ANAPC4: variants seen among roughly 807,000 people sequenced by gnomAD.
ANAPC4 encodes the protein anaphase promoting complex subunit 4.
Under a neutral mutation model 119.8 loss-of-function variants are expected in ANAPC4, and 63 were observed. The ratio of observed to expected loss-of-function variants is 0.53; its 90% CI spans 0.43 to 0.65. The LOEUF is 0.65. ANAPC4 is among the 30% of genes least tolerant of loss of function. ANAPC4 has a pLI of 0.00. For missense variants in ANAPC4, 716 were observed against 945.1 expected, an observed-to-expected ratio of 0.76 and a Z score of 3.18; for synonymous variants, 283 against 318.6, an observed-to-expected ratio of 0.89 and a Z score of 1.19.
In ANAPC4 at chr4:25,382,770, C is replaced by A. The variant is rs151314229; in HGVS notation, c.236-491C>A. The stretch of plus-strand genomic sequence containing the variant: ...GAAATAATGACTTGTGTGGAGAAAC[C>A]ATACTAGAAAATTCAGCCACACTCA... On this transcript the variant is annotated intron_variant, in intron 3 of 28. Coordinates refer to ENST00000315368, the MANE Select transcript of ANAPC4 (RefSeq NM_013367.3). Among the ~76,000 whole-genome samples the A allele has an allele frequency of 3.4e-3, 516 of 152,212 alleles. 2 individuals are homozygous for A. The highest frequency in any genetic ancestry group is 0.012 in the African/African-American group (478 of 41,520).
At position 25,405,153 on chromosome 4, in the gene ANAPC4, G is replaced by A. The variant is rs191251506; in HGVS notation, c.1271-420G>A. ...AAAAGTACATAAATATACTGTAAGC[G>A]CGTAGCAGAAAAGACCAAGGGAAAT... On this transcript the variant is annotated intron_variant, in intron 17 of 28. Transcript: ENST00000315368. The surrounding 1 kb of genome is among the most constrained non-coding windows in gnomAD (Gnocchi z 4.6). Among the ~76,000 whole-genome samples the A allele has an allele frequency of 5.9e-5, 9 of 151,342 alleles. No homozygotes were observed. Among genetic ancestry groups the A allele is most frequent in the East Asian group, 1.9e-4 (1 of 5,168 alleles).
rs1268326054 is a variant in ANAPC4 at position 25,388,533 on chromosome 4, A to G, written c.402A>G (p.Glu134=). 3 of 1,604,728 alleles carry G rather than the reference A, an allele frequency of 1.9e-6. No homozygotes were observed. The highest frequency in any genetic ancestry group is 2.6e-6 in the Non-Finnish European group (3 of 1,172,388). The part of the protein sequence containing the change: ...VLTSFYNAED[E]SNLLLPKLPT... ...CATCATTTTATAATGCTGAGGATGA[A>G]TCAAATCTTCTCTTACCTAAACTAC... Residue 134 remains glutamate (E), a synonymous_variant, in exon 5 of 29, where the codon GAA becomes GAG. Transcript: ENST00000315368.
chr4:25,380,990 C>T (rs73098457), intron 3 of ANAPC4, among the ~76,000 whole-genome samples: 1,941 of 152,270 alleles, frequency 0.013, 39 homozygotes, highest in African/African-American at 0.043. Flanking sequence ...TACCCTCTTA[C>T]GTTAAAGCCT....
intron 21 of ANAPC4, 153 bp from the exon 22 acceptor site, chr4:25,413,492 A>T: frequency 6.6e-5 from 35 of 527,392 alleles, no homozygotes; most frequent in East Asian, 1.6e-4. Flanking sequence ...GGTCGTTTTT[A>T]ATGAGGTTGT....
intron 16 of ANAPC4, among the ~76,000 whole-genome samples, chr4:25,398,432 G>A (rs1168749088): frequency 6.6e-6 from 1 of 152,152 alleles, no homozygotes; most frequent in Non-Finnish European, 1.5e-5. Context: ...GGAAGGGGCA[G>A]CAAGTGTGAA....
At chr4:25,411,856 C>G (rs1018281770) in intron 21 of ANAPC4, among the ~76,000 whole-genome samples, 4 of 152,154 alleles carry the variant, frequency 2.6e-5, no homozygotes, top group Admixed American at 1.3e-4. Flanking sequence ...CCTCCTGACA[C>G]CAACCAATTT....
intron 17 of ANAPC4, 141 bp downstream of exon 17, chr4:25,403,167 C>T: frequency 1.9e-6 from 1 of 523,622 alleles, no homozygotes; most frequent in Non-Finnish European, 3.1e-6. Context: ...TACCTTTCAC[C>T]TAGCTTCAGC....
intron 16 of ANAPC4, among the ~76,000 whole-genome samples, chr4:25,399,208 A>G (rs1203667546): frequency 6.6e-6 from 1 of 152,190 alleles, no homozygotes; most frequent in African/African-American, 2.4e-5. Context: ...TTTCTTACAT[A>G]ACCACAGTAC....
At chr4:25,416,119 A>C (rs371899243) in intron 26 of ANAPC4, 27 of 213,988 alleles carry the variant, frequency 1.3e-4, no homozygotes, top group Middle Eastern at 1.7e-3. Flanking sequence ...ATAAGGTGTC[A>C]TTCATAGAAT....
At chr4:25,394,796 T>A in intron 13 of ANAPC4, 33 bp from the exon 14 acceptor site, 1 of 1,604,364 alleles carries the variant, frequency 6.2e-7, no homozygotes, top group Non-Finnish European at 8.5e-7. Flanking sequence ...ATATCCTGAT[T>A]GTATGCTAAA....
intron 22 of ANAPC4, 132 bp downstream of exon 22, chr4:25,413,874 A>G: frequency 1.4e-6 from 1 of 710,558 alleles, no homozygotes; most frequent in South Asian, 2.2e-5. Context: ...TTTGATTAAC[A>G]AAAGTAACAA....
Position 25,405,253 on chromosome 4 carries a change from A to G in ANAPC4, c.1271-320A>G, listed in dbSNP as rs1360192264. ...AGATTTTAAGAGCAGAAACATCACC[A>G]GGTTAAAAGGAGGGATCCTTACACA... On this transcript the variant is annotated intron_variant, in intron 17 of 28. Coordinates refer to ENST00000315368, the MANE Select transcript of ANAPC4 (RefSeq NM_013367.3). This position sits in a 1 kb window ranked among gnomAD's most constrained non-coding sequence, Gnocchi z 4.6. Among the ~76,000 whole-genome samples the G allele has an allele frequency of 6.6e-6, 1 of 152,082 alleles. No homozygotes were observed. Among genetic ancestry groups the G allele is most frequent in the Non-Finnish European group, 1.5e-5 (1 of 67,998 alleles).
chr4:25,399,217 A>G (rs1261487961), intron 16 of ANAPC4, among the ~76,000 whole-genome samples: 1 of 152,214 alleles, frequency 6.6e-6, no homozygotes, highest in East Asian at 1.9e-4. Context: ...TAACCACAGT[A>G]CAGTTAACAA....
Position 25,403,033 on chromosome 4 carries a change from T to G in ANAPC4, c.1270+7T>G. The stretch of plus-strand genomic sequence containing the variant: ...TTTCGGTGGCTTTATGTGGGTAAGT[T>G]AATTGAGTGAAGCATTTTTATTTTA... On this transcript the variant is annotated splice_region_variant and intron_variant, in intron 17 of 28. Transcript: ENST00000315368. 1 of 1,597,042 alleles carries G rather than the reference T, an allele frequency of 6.3e-7. No individual in the cohort carries two copies. The highest frequency in any genetic ancestry group is 8.6e-7 in the Non-Finnish European group (1 of 1,167,742).
chr4:25,384,784 CAG>C lies in ANAPC4; in HGVS notation c.368+1394_368+1395del, dbSNP rs1245945324. On this transcript the variant is annotated intron_variant, in intron 4 of 28. Transcript: ENST00000315368. ...GACCACTGCACTCCAACCTGGGTGA[CAG>C]AGTGACCTGTCTCAAAAAAAAAAAA... is the stretch of plus-strand genomic sequence containing the variant. Among the ~76,000 whole-genome samples, 7 of 145,332 alleles carry C rather than the reference CAG, an allele frequency of 4.8e-5. No homozygotes were observed. The South Asian group carries it at 1.5e-3, about 32-fold the overall frequency.
intron 22 of ANAPC4, chr4:25,414,057 A>G (rs1723724507): frequency 6.4e-6 from 3 of 465,758 alleles, no homozygotes; most frequent in East Asian, 7.0e-5. Context: ...TCTGCTTACT[A>G]CTGAAGGATG....
intron 27 of ANAPC4, 165 bp from the exon 28 acceptor site, chr4:25,417,451 A>AT (rs1723948152): frequency 1.4e-6 from 1 of 691,076 alleles, no homozygotes; most frequent in Non-Finnish European, 2.2e-6. Context: ...TTTATAGAAT[A>AT]TTATATCACA....
Position 25,409,782 on chromosome 4 carries a change from C to T in ANAPC4, c.1516C>T (p.His506Tyr), listed in dbSNP as rs1269452535. ...QWYDFLQNSS[H>Y]LKESPLLFPY... ...GTATGACTTTCTTCAAAATAGCAGC[C>T]ACCTTAAAGGTACTTCATGAACCAA... Residue 506 changes from histidine (H) to tyrosine (Y), a missense_variant, in exon 21 of 29, where the codon CAC (histidine) becomes TAC (tyrosine). His to Tyr is a moderately conservative substitution (Grantham distance 83, BLOSUM62 2). Transcript: ENST00000315368. 2 of 1,612,728 alleles carry T rather than the reference C, an allele frequency of 1.2e-6. No individual in the cohort carries two copies. The highest frequency in any genetic ancestry group is 1.7e-6 in the Non-Finnish European group (2 of 1,179,160).
intron 9 of ANAPC4, 46 bp from the exon 10 acceptor site, chr4:25,392,292 G>A (rs371100463): frequency 2.9e-5 from 39 of 1,323,228 alleles, no homozygotes; most frequent in Non-Finnish European, 3.9e-5. Context: ...AGACTTTGCA[G>A]CAAGTGCATC....
Sources: gnomAD v4.1 joint callset for allele counts (sites outside exome capture counted in the v4.1 genomes callset) on GRCh38, gnomAD v4.1.1 for gene constraint, Gnocchi (gnomAD v3.1) non-coding constraint, MANE v1.5 for transcripts, NCBI Gene and HGNC (gene_info 2026-07-23, HGNC 2026-07-21) for gene names.